The following VPS8 variants were observed in gnomAD, a reference collection of about 807,000 sequenced individuals.
VPS8 encodes the protein VPS8 subunit of CORVET complex.
Under a neutral mutation model 216.4 loss-of-function variants are expected in VPS8, and 129 were observed. The observed-to-expected ratio is 0.60, with a 90% CI of 0.52 to 0.69. The LOEUF (loss-of-function observed/expected upper bound fraction) is 0.69, where lower values mean the gene tolerates loss of function less well. Among genes scored for constraint, VPS8 ranks in the 30% least tolerant of loss-of-function variants. The pLI, the probability that VPS8 is intolerant of heterozygous loss-of-function variation, is 0.00. For missense variants in VPS8, 1,531 were observed against 1,683.5 expected (o/e 0.91, Z 1.59); for synonymous variants, 571 against 565.4 (o/e 1.01, Z -0.14).
At chr3:184,903,651 T>C (rs1302564733) in intron 25 of VPS8, among the ~76,000 whole-genome samples, 1 of 152,000 alleles carries the variant, frequency 6.6e-6, no homozygotes, top group Non-Finnish European at 1.5e-5. Flanking sequence ...TCTTGCTATG[T>C]TTCCCAGGCT....
At chr3:184,893,319 T>G (rs1212012463) in intron 22 of VPS8, 1 of 1,282,030 alleles carries the variant, frequency 7.8e-7, no homozygotes, top group African/African-American at 1.5e-5. Context: ...AGACCATACC[T>G]GTGAATAAAT....
At chr3:184,813,032 G>C (rs4686775) in intron 1 of VPS8, among the ~76,000 whole-genome samples, 2,218 of 152,268 alleles carry the variant, frequency 0.015, 29 homozygotes, top group South Asian at 0.047. Context: ...CCAGTTCTTT[G>C]TGCTTGGCAT....
chr3:185,004,278 G>T (rs915017515), intron 45 of VPS8, among the ~76,000 whole-genome samples: 2 of 152,246 alleles, frequency 1.3e-5, no homozygotes, highest in African/African-American at 4.8e-5. Flanking sequence ...AGGAGCTGGA[G>T]ACCAGCCCGG....
In VPS8 at chr3:184,964,452, C is replaced by T; in HGVS notation, c.3184-16C>T. On this transcript the variant is annotated splice_polypyrimidine_tract_variant and intron_variant, in intron 37 of 47. Coordinates refer to ENST00000625842, the MANE Select transcript of VPS8 (RefSeq NM_001009921.3). ...AAGATTGGTGAATAAAAATATTTAT[C>T]TTTTTTATTTCCTAGATTACTCAGA... 7.1e-7 allele frequency: 1 copy of T among 1,411,348 alleles called. No individual in the cohort carries two copies. Among genetic ancestry groups the T allele is most frequent in the South Asian group, 1.5e-5 (1 of 66,174 alleles). The allele number at this position is 1,411,348 out of a possible 1,614,324, so 87.4% of individuals were successfully genotyped here.
chr3:184,886,441 G>C (rs1311529283), intron 22 of VPS8, among the ~76,000 whole-genome samples: 1 of 151,380 alleles, frequency 6.6e-6, no homozygotes, highest in Non-Finnish European at 1.5e-5. Flanking sequence ...AAAGTAAAAA[G>C]TGTATGATTC....
chr3:184,971,675 G>T lies in VPS8; in HGVS notation c.3343G>T (p.Asp1115Tyr), dbSNP rs1196388305. The T allele has an allele frequency of 6.2e-7, 1 of 1,613,090 alleles. No individual in the cohort carries two copies. Among genetic ancestry groups the T allele is most frequent in the African/African-American group, 1.3e-5 (1 of 74,906 alleles). ...TACCAAAGAGGATCCCTCATTGAAG[G>T]ATGTTGAAGATACTATGGTGGAGAC... ...ENTKEDPSLK[D>Y]VEDTMVETIA... The change falls in exon 40 of 48, where the codon GAT (aspartate) becomes TAT (tyrosine). Residue 1115 changes from aspartate to tyrosine, a missense_variant. This residue lies in a region of VPS8 where 1,318 missense variants were observed against 1,468.4 expected (regional missense o/e 0.90). Coordinates refer to ENST00000625842, the MANE Select transcript of VPS8 (RefSeq NM_001009921.3).
chr3:185,028,145 T>G (rs1241408643), intron 46 of VPS8, among the ~76,000 whole-genome samples: 1 of 152,156 alleles, frequency 6.6e-6, no homozygotes, highest in Non-Finnish European at 1.5e-5. Flanking sequence ...TCCTGAAATA[T>G]AGATTCTTAA....
chr3:184,842,186 C>CAAAAAAAAAAAAAAAAAAAA (rs71162267), intron 7 of VPS8, among the ~76,000 whole-genome samples: 12 of 48,974 alleles, frequency 2.5e-4, no homozygotes, highest in Admixed American at 8.6e-4. Context: ...GACTCCGTCT[C>CAAAAAAAAAAAAAAAAAAAA]AAAAAAAAAA....
chr3:184,912,534 A>G (rs146251244), intron 25 of VPS8, among the ~76,000 whole-genome samples: 1 of 152,020 alleles, frequency 6.6e-6, no homozygotes, highest in African/African-American at 2.4e-5. Context: ...TCCTTTTGGC[A>G]TAGTGAGTTT....
At chr3:185,001,202 G>A (rs921117889) in intron 45 of VPS8, among the ~76,000 whole-genome samples, 2 of 152,114 alleles carry the variant, frequency 1.3e-5, no homozygotes, top group African/African-American at 4.8e-5. Context: ...ATTCAGTTCA[G>A]TTCTGATACT....
chr3:185,024,731 A>G (rs942963233), intron 46 of VPS8, among the ~76,000 whole-genome samples: 2 of 152,184 alleles, frequency 1.3e-5, no homozygotes, highest in Non-Finnish European at 2.9e-5. Context: ...GACTGGGTGC[A>G]GAGGCTCATG....
intron 36 of VPS8, among the ~76,000 whole-genome samples, chr3:184,952,495 G>A (rs938252364): frequency 4.5e-4 from 68 of 151,856 alleles, no homozygotes; most frequent in African/African-American, 1.6e-3. Flanking sequence ...GCCATTCTAC[G>A]GGCTGGGAAG....
intron 16 of VPS8, among the ~76,000 whole-genome samples, chr3:184,864,623 A>T (rs917977106): frequency 6.6e-6 from 1 of 152,204 alleles, no homozygotes; most frequent in African/African-American, 2.4e-5. Context: ...TAGAGTACTT[A>T]GAGGCATCTT....
chr3:184,828,338 C>T (rs750575484), intron 3 of VPS8, among the ~76,000 whole-genome samples: 3 of 152,084 alleles, frequency 2.0e-5, no homozygotes, highest in Non-Finnish European at 4.4e-5. Flanking sequence ...GGGGTTTCAC[C>T]ATGTTGGCCA....
At chr3:184,887,507 A>T (rs1049050914) in intron 22 of VPS8, among the ~76,000 whole-genome samples, 1 of 151,838 alleles carries the variant, frequency 6.6e-6, no homozygotes, top group Admixed American at 6.6e-5. Flanking sequence ...TATAACAGTG[A>T]GGTAGGGATT....
chr3:184,936,065 C>A (rs998286273), intron 34 of VPS8, among the ~76,000 whole-genome samples, 181 bp from the exon 35 acceptor site: 1 of 151,862 alleles, frequency 6.6e-6, no homozygotes, highest in East Asian at 1.9e-4. Flanking sequence ...TTTTACATGG[C>A]ACATTTCTAA....
intron 47 of VPS8, among the ~76,000 whole-genome samples, chr3:185,049,895 GA>G (rs1713806503): frequency 1.3e-5 from 2 of 152,026 alleles, no homozygotes; most frequent in South Asian, 4.2e-4. Context: ...GTTATTCCAG[GA>G]AGTTTCTCTA....
At chr3:185,038,228 T>C (rs1273323562) in intron 46 of VPS8, among the ~76,000 whole-genome samples, 2 of 152,252 alleles carry the variant, frequency 1.3e-5, no homozygotes, top group African/African-American at 2.4e-5. Flanking sequence ...GCAGTCACCC[T>C]GGAATGACAG....
At chr3:185,005,711 G>A (rs1421343938) in intron 45 of VPS8, among the ~76,000 whole-genome samples, 1 of 151,962 alleles carries the variant, frequency 6.6e-6, no homozygotes, top group African/African-American at 2.4e-5. Context: ...GTCATAGTTG[G>A]TGTATAGCAG....
Sources: gnomAD v4.1 joint callset for allele counts (sites outside exome capture counted in the v4.1 genomes callset) on GRCh38, gnomAD v4.1.1 for gene constraint, gnomAD v4.1.1 regional missense constraint, MANE v1.5 for transcripts, NCBI Gene and HGNC (gene_info 2026-07-23, HGNC 2026-07-21) for gene names.